MICU1: variants seen among roughly 807,000 people sequenced by gnomAD.
MICU1 encodes calcium uptake protein 1, mitochondrial.
Under a neutral mutation model 56.8 loss-of-function variants are expected in MICU1, and 45 were observed. That is an observed-to-expected ratio of 0.79 (90% CI 0.62 to 1.02). The LOEUF (loss-of-function observed/expected upper bound fraction) is 1.02, where lower values mean the gene tolerates loss of function less well. MICU1 is among the 50% of genes least tolerant of loss of function. MICU1 has a pLI of 0.00. For synonymous variants in MICU1, 186 were observed against 195.1 expected (o/e 0.95, Z 0.39); for missense variants, 504 against 587.1 (o/e 0.86, Z 1.46).
intron 1 of MICU1, among the ~76,000 whole-genome samples, chr10:72,572,012 T>A (rs1268309066): frequency 3.6e-5 from 5 of 138,814 alleles, no homozygotes; most frequent in African/African-American, 1.0e-4. Context: ...GGTACTATGG[T>A]AAAAAAAAAA....
intron 1 of MICU1, among the ~76,000 whole-genome samples, chr10:72,588,032 G>A (rs1841112448): frequency 6.6e-6 from 1 of 152,038 alleles, no homozygotes; most frequent in South Asian, 2.1e-4. Flanking sequence ...AATTGTAATT[G>A]CCAGTGTTGG....
intron 5 of MICU1, among the ~76,000 whole-genome samples, chr10:72,529,592 T>C (rs576794717): frequency 2.0e-5 from 3 of 152,160 alleles, no homozygotes; most frequent in Middle Eastern, 6.8e-3. Context: ...GTCTATTACA[T>C]GCAATAGAAA....
chr10:72,568,747 C>CTTTT (rs72319510), intron 1 of MICU1, among the ~76,000 whole-genome samples: 8 of 55,528 alleles, frequency 1.4e-4, no homozygotes, highest in Admixed American at 2.6e-4. Flanking sequence ...AGTTCTTATT[C>CTTTT]TTTTTTTTTT....
At chr10:72,480,666 GA>G (rs1199733571) in intron 6 of MICU1, among the ~76,000 whole-genome samples, 3 of 152,224 alleles carry the variant, frequency 2.0e-5, no homozygotes, top group Admixed American at 6.5e-5. Flanking sequence ...CATTTGATAA[GA>G]GCGAAGTCAA....
At chr10:72,498,383 C>T (rs145618286) in intron 6 of MICU1, among the ~76,000 whole-genome samples, 4,146 of 152,144 alleles carry the variant, frequency 0.027, 185 homozygotes, top group African/African-American at 0.096. Context: ...GTCAGGAGGT[C>T]GAGACCAGCC....
intron 10 of MICU1, among the ~76,000 whole-genome samples, chr10:72,380,281 C>T (rs760909411): frequency 5.9e-5 from 9 of 152,282 alleles, no homozygotes; most frequent in South Asian, 4.1e-4. Flanking sequence ...CTAAATACTA[C>T]GTATTTTTGT....
chr10:72,387,326 C>T (rs1426853958), intron 10 of MICU1, among the ~76,000 whole-genome samples: 1 of 152,204 alleles, frequency 6.6e-6, no homozygotes, highest in African/African-American at 2.4e-5. Flanking sequence ...CTTCCCCTCA[C>T]CCTACGCTCT....
chr10:72,466,599 AAG>A (rs767619937), intron 8 of MICU1, among the ~76,000 whole-genome samples: 1 of 152,264 alleles, frequency 6.6e-6, no homozygotes, highest in Non-Finnish European at 1.5e-5. Flanking sequence ...TAATTAAATC[AAG>A]AGTCAGGTCT....
chr10:72,558,076 TATAAAA>T (rs1290359279), intron 3 of MICU1, among the ~76,000 whole-genome samples: 1 of 152,128 alleles, frequency 6.6e-6, no homozygotes, highest in African/African-American at 2.4e-5. Flanking sequence ...CTATCAGAAA[TATAAAA>T]ATAACAAACC....
intron 8 of MICU1, among the ~76,000 whole-genome samples, chr10:72,427,658 C>T (rs572841058): frequency 2.6e-5 from 4 of 151,134 alleles, no homozygotes; most frequent in South Asian, 2.1e-4. Context: ...CCAGCACTTT[C>T]GGAGGCTGAC....
At chr10:72,451,718 T>A (rs1005812635) in intron 8 of MICU1, among the ~76,000 whole-genome samples, 66 of 152,054 alleles carry the variant, frequency 4.3e-4, no homozygotes, top group African/African-American at 1.5e-3. Context: ...AATTTTAAAA[T>A]TTTTTATAGA....
At chr10:72,564,414 G>T (rs1320244306) in intron 2 of MICU1, among the ~76,000 whole-genome samples, 4 of 151,940 alleles carry the variant, frequency 2.6e-5, no homozygotes, top group Non-Finnish European at 4.4e-5. Flanking sequence ...GGTGGTGCTT[G>T]CCTGGTCCCA....
chr10:72,517,977 G>A (rs1373509223), intron 5 of MICU1, among the ~76,000 whole-genome samples: 1 of 151,348 alleles, frequency 6.6e-6, no homozygotes, highest in Non-Finnish European at 1.5e-5. Context: ...TTCTCTCACT[G>A]CCCCAGAAGT....
At chr10:72,603,922 A>T (rs573164925) in intron 1 of MICU1, among the ~76,000 whole-genome samples, 5 of 152,258 alleles carry the variant, frequency 3.3e-5, no homozygotes, top group Admixed American at 3.3e-4. Context: ...TAGATTTAAA[A>T]TTTTTCTGAT....
intron 1 of MICU1, among the ~76,000 whole-genome samples, chr10:72,586,250 C>T (rs1444137779): frequency 7.9e-5 from 12 of 151,702 alleles, no homozygotes; most frequent in Non-Finnish European, 1.8e-4. Context: ...GAGCTCAAGC[C>T]ACACTCCCAC....
At chr10:72,568,667 C>A (rs1840507308) in intron 1 of MICU1, among the ~76,000 whole-genome samples, 1 of 151,120 alleles carries the variant, frequency 6.6e-6, no homozygotes, top group Non-Finnish European at 1.5e-5. Flanking sequence ...CTGTAAGCTG[C>A]AAAGATTTGG....
chr10:72,573,264 G>C (rs1840654864), intron 1 of MICU1, among the ~76,000 whole-genome samples: 1 of 121,110 alleles, frequency 8.3e-6, no homozygotes, highest in African/African-American at 3.0e-5. Flanking sequence ...GAGTCCAGGA[G>C]TTTGAGACCA....
At chr10:72,516,830 T>C (rs1200192663) in intron 5 of MICU1, among the ~76,000 whole-genome samples, 1 of 152,122 alleles carries the variant, frequency 6.6e-6, no homozygotes, top group Non-Finnish European at 1.5e-5. Context: ...AATTCTTTAG[T>C]AAAAAGGTCT....
At chr10:72,532,798 G>T in intron 5 of MICU1, 1 of 953,136 alleles carries the variant, frequency 1.0e-6, no homozygotes, top group Non-Finnish European at 1.2e-6. Context: ...TAGGCAGGTG[G>T]CCTTAGCTGA....
Sources: gnomAD v4.1 joint callset for allele counts (sites outside exome capture counted in the v4.1 genomes callset) on GRCh38, gnomAD v4.1.1 for gene constraint, MANE v1.5 for transcripts, NCBI Gene and HGNC (gene_info 2026-07-23, HGNC 2026-07-21) for gene names.